Variants in CWC22 observed in about 807,000 individuals in gnomAD.
The protein encoded by CWC22 is pre-mRNA-splicing factor CWC22 homolog.
A neutral mutation model predicts 117.2 loss-of-function variants in CWC22; 53 were observed. The ratio of observed to expected loss-of-function variants is 0.45; its 90% CI spans 0.36 to 0.57. The LOEUF (loss-of-function observed/expected upper bound fraction) is 0.57, where lower values mean the gene tolerates loss of function less well. Among genes scored for constraint, CWC22 ranks in the 20% least tolerant of loss-of-function variants. CWC22 has a pLI of 0.00. For missense variants in CWC22, 980 were observed against 1,068.8 expected, an observed-to-expected ratio of 0.92 and a Z score of 1.16; for synonymous variants, 360 against 355.6, an observed-to-expected ratio of 1.01 and a Z score of -0.14.
intron 6 of CWC22, among the ~76,000 whole-genome samples, chr2:179,977,819 C>T (rs1056542297): frequency 6.6e-6 from 1 of 152,032 alleles, no homozygotes; most frequent in African/African-American, 2.4e-5. Flanking sequence ...ATGTATACCA[C>T]AAATATACAC....
intron 2 of CWC22, 118 bp downstream of exon 2, chr2:179,993,197 C>A: frequency 1.3e-6 from 1 of 764,260 alleles, no homozygotes; most frequent in Non-Finnish European, 2.1e-6. Flanking sequence ...TTTGCACCAA[C>A]CTAAGTGCCA....
intron 3 of CWC22, among the ~76,000 whole-genome samples, chr2:179,987,722 T>A (rs920478399): frequency 6.6e-6 from 1 of 152,102 alleles, no homozygotes; most frequent in African/African-American, 2.4e-5. Context: ...CATAAAAAAT[T>A]TTTTTTACAG....
intron 19 of CWC22, among the ~76,000 whole-genome samples, chr2:179,946,347 A>T (rs1301748616): frequency 1.3e-5 from 2 of 150,106 alleles, no homozygotes; most frequent in African/African-American, 2.4e-5. Flanking sequence ...GCTACTCAGG[A>T]GCCTGAGGTG....
At chr2:179,999,582 A>G (rs1474666808) in intron 1 of CWC22, among the ~76,000 whole-genome samples, 1 of 152,194 alleles carries the variant, frequency 6.6e-6, no homozygotes, top group East Asian at 1.9e-4. Flanking sequence ...TATTCAACTA[A>G]TGGCTGAAAT....
chr2:180,002,263 G>C (rs993799695), intron 1 of CWC22, among the ~76,000 whole-genome samples: 1 of 152,136 alleles, frequency 6.6e-6, no homozygotes, highest in Non-Finnish European at 1.5e-5. Flanking sequence ...CTTACTCCCT[G>C]TAAGTCACCA....
chr2:179,973,141 C>T, intron 8 of CWC22, 52 bp downstream of exon 8: 1 of 1,239,632 alleles, frequency 8.1e-7, no homozygotes, highest in South Asian at 1.4e-5. Flanking sequence ...TGGCATCAAC[C>T]CTCTGGTCTA....
At position 179,976,973 on chromosome 2, in the gene CWC22, G is replaced by A. The variant is rs541417579; in HGVS notation, c.581+1217C>T. 2.5e-4 allele frequency among the ~76,000 whole-genome samples: 38 copies of A among 152,196 alleles called. No individual in the cohort carries two copies. The South Asian group carries it at 5.8e-3, about 23-fold the overall frequency. ...AGTACGAGACCAGCCTGGGCAAGATGGCAAGACCTCATTCTCTACAAAATA... is the reference window on the plus strand; with the variant it reads ...AGTACGAGACCAGCCTGGGCAAGATAGCAAGACCTCATTCTCTACAAAATA... On this transcript the variant is annotated intron_variant, in intron 6 of 19. Transcript: ENST00000410053.
chr2:180,004,691 G>A (rs547939913), intron 1 of CWC22, among the ~76,000 whole-genome samples: 1 of 106,190 alleles, frequency 9.4e-6, no homozygotes, highest in African/African-American at 3.6e-5. Flanking sequence ...CCCGCCCCTC[G>A]CCCCCCTCCC....
At chr2:179,957,842 GA>G (rs10715734) in intron 14 of CWC22, among the ~76,000 whole-genome samples, 121,913 of 148,672 alleles carry the variant, frequency 0.82, 49,860 homozygotes, top group South Asian at 0.85. Context: ...ATATACATTA[GA>G]AAAAAAAAAA....
intron 2 of CWC22, among the ~76,000 whole-genome samples, chr2:179,992,725 C>A (rs1687599512): frequency 6.6e-6 from 1 of 152,210 alleles, no homozygotes; most frequent in African/African-American, 2.4e-5. Flanking sequence ...ATCACTATAA[C>A]ATCTAACAAT....
At chr2:179,982,437 T>C (rs1687308331) in intron 4 of CWC22, among the ~76,000 whole-genome samples, 1 of 152,186 alleles carries the variant, frequency 6.6e-6, no homozygotes, top group African/African-American at 2.4e-5. Flanking sequence ...TAAAAGTTTC[T>C]CAGTAGGAGA....
intron 1 of CWC22, among the ~76,000 whole-genome samples, chr2:179,999,983 A>G (rs550340964): frequency 6.6e-6 from 1 of 152,292 alleles, no homozygotes; most frequent in East Asian, 1.9e-4. Flanking sequence ...CCAAGCCCCC[A>G]AGGAACGGAT....
At chr2:179,999,162 T>C (rs1687784165) in intron 1 of CWC22, among the ~76,000 whole-genome samples, 1 of 152,148 alleles carries the variant, frequency 6.6e-6, no homozygotes, top group South Asian at 2.1e-4. Context: ...ATTGTCATTG[T>C]CCAGATTTAT....
rs557135804 is a variant in CWC22 at position 179,958,910 on chromosome 2, T to C, written c.1458+112A>G. 1.4e-3 allele frequency: 784 copies of C among 577,666 alleles called. 4 individuals carry two copies. The African/African-American group carries it at 0.014, about 10-fold the overall frequency. 35.8% of individuals were successfully genotyped at this position (577,666 alleles called of 1,614,324 possible). A position where few individuals can be genotyped will look rare whatever the true frequency, so the allele number is the denominator to read the frequency against. On this transcript the variant is annotated intron_variant, in intron 14 of 19. Transcript: ENST00000410053. ...ATGATATAAAACCTACATTAAAAAA[T>C]AAATATTTAGTACTGAGGTATTGCT... is the stretch of plus-strand genomic sequence containing the variant.
At chr2:179,961,102 AT>A (rs1280046355) in intron 13 of CWC22, among the ~76,000 whole-genome samples, 15 of 152,006 alleles carry the variant, frequency 9.9e-5, no homozygotes, top group African/African-American at 3.6e-4. Flanking sequence ...AATACCGCAT[AT>A]AAAAATAGTA....
chr2:179,964,639 C>T lies in CWC22; in HGVS notation c.1316-11G>A. The T allele has an allele frequency of 6.9e-7, 1 of 1,448,338 alleles. No homozygotes were observed. The highest frequency in any genetic ancestry group is 9.4e-7 in the Non-Finnish European group (1 of 1,058,534). The allele number at this position is 1,448,338 out of a possible 1,614,324, so 89.7% of individuals were successfully genotyped here. A position where few individuals can be genotyped will look rare whatever the true frequency, so the allele number is the denominator to read the frequency against. The stretch of plus-strand genomic sequence containing the variant: ...TAGTTACTTTTTGTCCTGAAAGAAA[C>T]ATAACAAAATTACACAACTGCAAAA... On this transcript the variant is annotated splice_polypyrimidine_tract_variant and intron_variant, in intron 12 of 19. Transcript: ENST00000410053.
chr2:179,968,819 G>A (rs1039986787), intron 11 of CWC22, among the ~76,000 whole-genome samples: 2 of 151,846 alleles, frequency 1.3e-5, no homozygotes, highest in Non-Finnish European at 2.9e-5. Flanking sequence ...GCCCACCTCC[G>A]CCTCCCAAAA....
rs1442185774 is a variant in CWC22 at position 179,978,187 on chromosome 2, T to C, written c.581+3A>G. 7 of 1,526,070 alleles carry C rather than the reference T, an allele frequency of 4.6e-6. No homozygotes were observed. Among genetic ancestry groups the C allele is most frequent in the Non-Finnish European group, 6.1e-6 (7 of 1,143,688 alleles). 94.5% of individuals were successfully genotyped at this position (1,526,070 alleles called of 1,614,324 possible). A position where few individuals can be genotyped will look rare whatever the true frequency, so the allele number is the denominator to read the frequency against. The stretch of plus-strand genomic sequence containing the variant: ...TACTACAAATAAAATAGCCAATACT[T>C]ACCTTCCTCTAACTATATTTTCTTG... On this transcript the variant is annotated splice_donor_region_variant and intron_variant, in intron 6 of 19. Transcript: ENST00000410053.
intron 11 of CWC22, among the ~76,000 whole-genome samples, chr2:179,967,852 A>G (rs1239176164): frequency 2.0e-5 from 3 of 152,230 alleles, no homozygotes; most frequent in Non-Finnish European, 4.4e-5. Flanking sequence ...AAAAATGGCC[A>G]ACTAACTATA....
Sources: allele counts gnomAD v4.1 joint callset (sites outside exome capture counted in the v4.1 genomes callset), GRCh38; gene constraint gnomAD v4.1.1; transcripts MANE v1.5; gene names NCBI Gene and HGNC (gene_info 2026-07-23, HGNC 2026-07-21).